ADGRV1: variants seen among roughly 807,000 people sequenced by gnomAD.
ADGRV1 encodes G-protein coupled receptor 98.
A neutral mutation model predicts 596.2 loss-of-function variants in ADGRV1; 359 were observed. The ratio of observed to expected loss-of-function variants is 0.60; its 90% confidence interval spans 0.55 to 0.66. The LOEUF (loss-of-function observed/expected upper bound fraction) is 0.66. ADGRV1 is among the 30% of genes least tolerant of loss of function. The pLI is 0.00. For missense variants in ADGRV1, 7,274 were observed against 7,575.6 expected (o/e 0.96, Z 1.48); for synonymous variants, 2,681 against 2,679.2 (o/e 1.00, Z -0.02).
Position 90,635,251 on chromosome 5 carries a change from A to T in ADGRV1, c.1977A>T (p.Pro659=), listed in dbSNP as rs1766025267. The change falls in exon 10 of 90, where the codon CCA becomes CCT. Residue 659 remains proline, a synonymous_variant. Transcript: ENST00000405460. ...AAATTGGCTTTCTCAGCAATCTTCC[A>T]ATTATTTTGCATGAACCAGAAGATT... ...NGEIGFLSNL[P]IILHEPEDFA... is the part of the protein sequence containing the mutation. The T allele has an allele frequency of 1.2e-6, 2 of 1,612,940 alleles. No individual in the cohort carries two copies. Among genetic ancestry groups the T allele is most frequent in the East Asian group, 4.5e-5 (2 of 44,844 alleles).
chr5:91,036,112 C>T (rs1784891527), intron 85 of ADGRV1, among the ~76,000 whole-genome samples: 1 of 151,770 alleles, frequency 6.6e-6, no homozygotes, highest in Non-Finnish European at 1.5e-5. Flanking sequence ...ATATACTTCA[C>T]ATAAGGAGGT....
At chr5:90,970,989 C>A (rs1032584903) in intron 84 of ADGRV1, among the ~76,000 whole-genome samples, 3 of 152,098 alleles carry the variant, frequency 2.0e-5, no homozygotes, top group Admixed American at 6.5e-5. Context: ...GCTACAATAA[C>A]CAGTGTAGAG....
At chr5:90,602,573 A>G (rs1048565339) in intron 1 of ADGRV1, among the ~76,000 whole-genome samples, 1 of 152,244 alleles carries the variant, frequency 6.6e-6, no homozygotes, top group South Asian at 2.1e-4. Context: ...GACATGCTAC[A>G]GAATACCTGA....
chr5:90,938,667 A>G (rs578028151), intron 83 of ADGRV1, among the ~76,000 whole-genome samples: 2 of 152,322 alleles, frequency 1.3e-5, no homozygotes, highest in South Asian at 4.1e-4. Flanking sequence ...TGGATATATG[A>G]CAGCAGACAG....
At chr5:90,786,252 G>A (rs993525572) in intron 67 of ADGRV1, among the ~76,000 whole-genome samples, 3 of 151,978 alleles carry the variant, frequency 2.0e-5, no homozygotes, top group African/African-American at 4.8e-5. Flanking sequence ...GCCTATTGGG[G>A]GGTGGGGGGC....
intron 83 of ADGRV1, among the ~76,000 whole-genome samples, chr5:90,879,783 A>G (rs1417559226): frequency 6.6e-6 from 1 of 151,934 alleles, no homozygotes; most frequent in Non-Finnish European, 1.5e-5. Context: ...CCCTGTGTCT[A>G]CTGAAAATAC....
chr5:90,582,613 G>A (rs1013224968), intron 1 of ADGRV1, among the ~76,000 whole-genome samples: 3 of 152,086 alleles, frequency 2.0e-5, no homozygotes, highest in African/African-American at 7.2e-5. Flanking sequence ...CACCCAGGCT[G>A]GAGTATAGTG....
chr5:91,053,004 C>T (rs533689469), intron 85 of ADGRV1, among the ~76,000 whole-genome samples: 3 of 152,214 alleles, frequency 2.0e-5, no homozygotes, highest in South Asian at 2.1e-4. Flanking sequence ...TTTTTCAGGG[C>T]GTGGTGAATT....
chr5:90,650,009 G>A (rs928871476), intron 17 of ADGRV1, among the ~76,000 whole-genome samples: 2 of 152,054 alleles, frequency 1.3e-5, no homozygotes, highest in African/African-American at 4.8e-5. Flanking sequence ...AATTACTTTC[G>A]TTAAGAAGGC....
rs397517432 is a variant in ADGRV1 at position 90,679,644 on chromosome 5, C to T, written c.5524+15C>T. ...TCACAAACGTGGTAAGCAGTTTTTC[C>T]AAGGTCCTTTACTATTATAGGTTTT... is the stretch of plus-strand genomic sequence containing the variant. On this transcript the variant is annotated intron_variant, in intron 26 of 89. Coordinates refer to ENST00000405460, the MANE Select transcript of ADGRV1 (RefSeq NM_032119.4). 23 of 1,590,122 alleles carry T rather than the reference C, an allele frequency of 1.4e-5. No homozygotes were observed. Among genetic ancestry groups the T allele is most frequent in the Non-Finnish European group, 1.8e-5 (21 of 1,159,058 alleles).
chr5:91,041,585 TG>T lies in ADGRV1; in HGVS notation c.18153-30861del, dbSNP rs545512746. On this transcript the variant is annotated intron_variant, in intron 85 of 89. Coordinates refer to ENST00000405460, the MANE Select transcript of ADGRV1 (RefSeq NM_032119.4). ...AACCACCATGGCACATGTATACCTATGTAACAAAACCGCAGGTTCTGCACAT... is the reference window on the plus strand; with the variant it reads ...AACCACCATGGCACATGTATACCTATTAACAAAACCGCAGGTTCTGCACAT... Among the ~76,000 whole-genome samples, 727 of 151,384 alleles carry T rather than the reference TG, an allele frequency of 4.8e-3. 12 individuals carry two copies. Among genetic ancestry groups the T allele is most frequent in the African/African-American group, 0.016 (671 of 41,172 alleles).
At chr5:91,157,935 G>C (rs1796607574) in intron 89 of ADGRV1, among the ~76,000 whole-genome samples, 2 of 152,152 alleles carry the variant, frequency 1.3e-5, no homozygotes, top group South Asian at 4.1e-4. Context: ...CAGAGGCACT[G>C]ACCTGGAGCG....
At chr5:90,737,053 T>C (rs1224273228) in intron 50 of ADGRV1, among the ~76,000 whole-genome samples, 1 of 151,910 alleles carries the variant, frequency 6.6e-6, no homozygotes, top group Non-Finnish European at 1.5e-5. Context: ...AGACCATTTA[T>C]TTGAGATTTT....
intron 86 of ADGRV1, among the ~76,000 whole-genome samples, chr5:91,101,729 C>T (rs1458563289): frequency 1.3e-5 from 2 of 152,078 alleles, no homozygotes; most frequent in African/African-American, 4.8e-5. Context: ...ATTTTGGTGT[C>T]TTCTCAGTCA....
At chr5:90,560,055 A>C (rs185279498) in intron 1 of ADGRV1, among the ~76,000 whole-genome samples, 210 of 152,288 alleles carry the variant, frequency 1.4e-3, no homozygotes, top group Admixed American at 2.9e-3. Flanking sequence ...TAGACTCTGA[A>C]CTGTGTTATA....
chr5:90,825,743 T>TA (rs747948411), intron 76 of ADGRV1: 1 of 152,156 alleles, frequency 6.6e-6, no homozygotes, highest in Non-Finnish European at 1.5e-5. Flanking sequence ...GAAGAATATA[T>TA]AATTAAGGGG....
chr5:90,986,981 G>T (rs1780547834), intron 85 of ADGRV1, among the ~76,000 whole-genome samples: 1 of 152,082 alleles, frequency 6.6e-6, no homozygotes, highest in Non-Finnish European at 1.5e-5. Context: ...CCCAATGAAT[G>T]TAATATTAAT....
intron 1 of ADGRV1, among the ~76,000 whole-genome samples, chr5:90,607,046 A>G (rs1762187906): frequency 6.6e-6 from 1 of 152,026 alleles, no homozygotes; most frequent in South Asian, 2.1e-4. Flanking sequence ...TTACCTTCAG[A>G]TAGTTACCTT....
chr5:90,593,701 A>G (rs1759843330), intron 1 of ADGRV1, among the ~76,000 whole-genome samples: 1 of 152,158 alleles, frequency 6.6e-6, no homozygotes, highest in Non-Finnish European at 1.5e-5. Context: ...TTACTCATGT[A>G]ACCAAATACC....
Sources: allele counts gnomAD v4.1 joint callset (sites outside exome capture counted in the v4.1 genomes callset), GRCh38; gene constraint gnomAD v4.1.1; transcripts MANE v1.5; gene names NCBI Gene and HGNC (gene_info 2026-07-23, HGNC 2026-07-21).